Variants in TPRX1 observed in about 807,000 individuals in gnomAD.
The protein encoded by TPRX1 is tetrapeptide repeat homeobox 1, also known as tetra-peptide repeat homeobox protein 1.
Under a neutral mutation model 8.1 loss-of-function variants are expected in TPRX1, and 2 were observed. The observed-to-expected ratio is 0.25, with a 90% CI of 0.10 to 0.78. The LOEUF (loss-of-function observed/expected upper bound fraction) is 0.78. Among genes scored for constraint, TPRX1 ranks in the 30% least tolerant of loss-of-function variants. The pLI, the probability that TPRX1 is intolerant of heterozygous loss-of-function variation, is 0.70. For missense variants in TPRX1, 517 were observed against 586.9 expected, an observed-to-expected ratio of 0.88 and a Z score of 1.23; for synonymous variants, 257 against 254.1, an observed-to-expected ratio of 1.01 and a Z score of -0.11.
intron 2 of TPRX1, among the ~76,000 whole-genome samples, chr19:47,814,724 C>G (rs1034183124): frequency 6.6e-6 from 1 of 152,110 alleles, no homozygotes; most frequent in Admixed American, 6.6e-5. Flanking sequence ...TGGGGTCTAC[C>G]TCTGATGTGA....
At chr19:47,815,679 G>A (rs1967833749) in intron 2 of TPRX1, among the ~76,000 whole-genome samples, 1 of 148,450 alleles carries the variant, frequency 6.7e-6, no homozygotes, top group South Asian at 2.1e-4. Context: ...AGGTGTGGTG[G>A]TGTGCACCTG....
intron 2 of TPRX1, among the ~76,000 whole-genome samples, chr19:47,809,471 C>G (rs149301619): frequency 6.6e-6 from 1 of 151,744 alleles, no homozygotes; most frequent in Non-Finnish European, 1.5e-5. Flanking sequence ...TTTGTAGAGA[C>G]GGGGTTTTGC....
At chr19:47,810,759 C>T (rs1427653103) in intron 2 of TPRX1, among the ~76,000 whole-genome samples, 1 of 152,046 alleles carries the variant, frequency 6.6e-6, no homozygotes, top group Non-Finnish European at 1.5e-5. Flanking sequence ...ACCTCCCCAT[C>T]CTCTGCATTG....
At chr19:47,801,656 A>T (rs1018179926) in exon 4 of TPRX1, 4 of 1,219,272 alleles carry the variant, frequency 3.3e-6, no homozygotes, top group Middle Eastern at 2.9e-4. Context: ...AAGACAGCAA[A>T]TGTCCACCTG....
chr19:47,801,310 G>C (rs1967660950), exon 4 of TPRX1: 1 of 154,038 alleles, frequency 6.5e-6, no homozygotes, highest in Non-Finnish European at 1.4e-5. Flanking sequence ...AAGGAAAAGG[G>C]GTAAACAAAT....
chr19:47,802,870 G>C, exon 4 of TPRX1: 1 of 1,596,782 alleles, frequency 6.3e-7, no homozygotes, highest in Non-Finnish European at 8.5e-7. Context: ...AGGCTGCAGG[G>C]ACTAGGGGCG....
At chr19:47,807,866 G>GT (rs1266838424) in intron 2 of TPRX1, among the ~76,000 whole-genome samples, 7 of 150,962 alleles carry the variant, frequency 4.6e-5, no homozygotes, top group African/African-American at 1.7e-4. Flanking sequence ...TATTTTTGGA[G>GT]GTTTTTTTTT....
chr19:47,816,091 A>T (rs10411698), intron 2 of TPRX1, among the ~76,000 whole-genome samples: 8,061 of 151,856 alleles, frequency 0.053, 279 homozygotes, highest in Non-Finnish European at 0.079. Context: ...TTGAGACAGG[A>T]TCTTGCTCTG....
intron 2 of TPRX1, among the ~76,000 whole-genome samples, chr19:47,808,063 G>T (rs1014337001): frequency 6.6e-6 from 1 of 151,952 alleles, no homozygotes; most frequent in East Asian, 1.9e-4. Context: ...CTGAGTAGGT[G>T]GGACTACAGG....
intron 3 of TPRX1, among the ~76,000 whole-genome samples, chr19:47,803,206 C>T (rs926543840): frequency 5.9e-5 from 9 of 151,402 alleles, no homozygotes; most frequent in East Asian, 2.0e-4. Flanking sequence ...CGGGGTCTGC[C>T]GCCCAGGTGC....
At chr19:47,818,232 CCACCCATCCAT>C (rs1967862710) in intron 2 of TPRX1, among the ~76,000 whole-genome samples, 1 of 150,312 alleles carries the variant, frequency 6.7e-6, no homozygotes, top group Non-Finnish European at 1.5e-5. Context: ...ATCCATCCAT[CCACCCATCCAT>C]CACCCATCCA....
exon 4 of TPRX1, chr19:47,802,760 G>A: frequency 6.2e-7 from 1 of 1,606,654 alleles, no homozygotes; most frequent in South Asian, 1.1e-5. Context: ...GCCCTTCTGG[G>A]CTCTGCACCC....
intron 2 of TPRX1, among the ~76,000 whole-genome samples, chr19:47,810,777 A>G (rs1967775756): frequency 6.6e-6 from 1 of 151,958 alleles, no homozygotes. Flanking sequence ...TTGTGAGGGT[A>G]TCTCTTGGTG....
exon 4 of TPRX1, chr19:47,802,001 C>G: frequency 6.2e-7 from 1 of 1,613,376 alleles, no homozygotes; most frequent in South Asian, 1.1e-5. Context: ...GGCATCGGGG[C>G]TCTGAGGCCA....
chr19:47,810,560 A>T (rs1967773773), intron 2 of TPRX1, among the ~76,000 whole-genome samples: 1 of 151,466 alleles, frequency 6.6e-6, no homozygotes, highest in African/African-American at 2.4e-5. Flanking sequence ...TATTGGCCAG[A>T]CTGGTCTTGA....
intron 2 of TPRX1, 141 bp from the exon 2 acceptor site, chr19:47,803,814 C>T (rs559834775): frequency 1.6e-5 from 8 of 485,746 alleles, no homozygotes; most frequent in African/African-American, 1.6e-4. Flanking sequence ...GTATCCAGAC[C>T]AGACCTTGCA....
chr19:47,805,249 GT>G (rs909459264), intron 2 of TPRX1, among the ~76,000 whole-genome samples: 20 of 152,260 alleles, frequency 1.3e-4, no homozygotes, highest in African/African-American at 4.3e-4. Flanking sequence ...CTCAGTGCTG[GT>G]TTATTCCAGT....
chr19:47,802,545 G>T (rs1213695803), exon 4 of TPRX1: 1 of 1,550,778 alleles, frequency 6.4e-7, no homozygotes, highest in Admixed American at 2.0e-5. Context: ...CCTGAAATTG[G>T]GCCTGGGATT....
chr19:47,812,418 G>C (rs1169160930), intron 2 of TPRX1, among the ~76,000 whole-genome samples: 4 of 151,732 alleles, frequency 2.6e-5, no homozygotes, highest in Non-Finnish European at 5.9e-5. Flanking sequence ...GCAACATAGC[G>C]AGATCTTGTC....
Sources: gnomAD v4.1 joint callset for allele counts (sites outside exome capture counted in the v4.1 genomes callset) on GRCh38, gnomAD v4.1.1 for gene constraint, MANE v1.5 for transcripts, NCBI Gene and HGNC (gene_info 2026-07-23, HGNC 2026-07-21) for gene names.